The following RELN variants were observed in gnomAD, a reference collection of about 807,000 sequenced individuals.
The protein encoded by RELN is reelin.
A neutral mutation model predicts 427.6 loss-of-function variants in RELN; 108 were observed. That is an observed-to-expected ratio of 0.25 (90% confidence interval 0.22 to 0.30). RELN has a LOEUF of 0.30. Ranked by LOEUF, RELN falls within the 10% of genes least tolerant of loss-of-function variation. The pLI is 1.00. For synonymous variants in RELN, 1,524 were observed against 1,513.4 expected (o/e 1.01, Z -0.16); for missense variants, 3,715 against 4,302.8 (o/e 0.86, Z 3.82).
chr7:103,801,501 G>A (rs155220), intron 3 of RELN, among the ~76,000 whole-genome samples: 23,416 of 150,616 alleles, frequency 0.16, 2,217 homozygotes, highest in Non-Finnish European at 0.2. Flanking sequence ...AACACTGCAT[G>A]TTCTCACTCA....
intron 3 of RELN, among the ~76,000 whole-genome samples, chr7:103,830,782 A>G (rs887958067): frequency 6.6e-6 from 1 of 152,046 alleles, no homozygotes; most frequent in Non-Finnish European, 1.5e-5. Flanking sequence ...GAGATCAACA[A>G]AAGCGTCTTG....
chr7:103,507,382 T>G (rs1829250828), intron 51 of RELN, among the ~76,000 whole-genome samples: 1 of 152,118 alleles, frequency 6.6e-6, no homozygotes, highest in Admixed American at 6.5e-5. Context: ...AGAAACTCAC[T>G]CAAATCCACA....
chr7:103,723,059 G>C, intron 8 of RELN, 81 bp downstream of exon 8: 1 of 831,326 alleles, frequency 1.2e-6, no homozygotes, highest in Non-Finnish European at 2.1e-6. Flanking sequence ...AAAAGCATCT[G>C]GCATTATAAT....
rs926451848 is a variant in RELN, at chr7:103,773,071, T to C, written c.544+3486A>G. Among the ~76,000 whole-genome samples, 2 of 152,098 alleles carry C rather than the reference T, an allele frequency of 1.3e-5. 1 individual carries two copies. Among genetic ancestry groups the C allele is most frequent in the South Asian group, 4.2e-4 (2 of 4,806 alleles). On this transcript the variant is annotated intron_variant, in intron 4 of 64. Transcript: ENST00000428762. ...CTGATGTGAGGTGGATCAGCGAGAA[T>C]GGGAAGGAGGAGATAGATGGTTCTC...
At chr7:103,644,457 T>C (rs947641453) in intron 16 of RELN, among the ~76,000 whole-genome samples, 14 of 148,300 alleles carry the variant, frequency 9.4e-5, no homozygotes, top group Non-Finnish European at 1.8e-4. Flanking sequence ...CTTTTAGAAA[T>C]GAAAAATTCA....
Position 103,741,719 on chromosome 7 carries a change from C to T in RELN, c.656+7707G>A, listed in dbSNP as rs149726805. Among the ~76,000 whole-genome samples the T allele has an allele frequency of 5.0e-3, 757 of 151,468 alleles. 4 individuals carry two copies. Among genetic ancestry groups the T allele is most frequent in the Middle Eastern group, 0.017 (5 of 292 alleles). ...GGAGGGAAAGAGAGGAAGGCAGAGA[C>T]GAAAGTGATGGGTATTGAGCACCTA... On this transcript the variant is annotated intron_variant, in intron 6 of 64. Coordinates refer to ENST00000428762, the MANE Select transcript of RELN (RefSeq NM_005045.4).
At chr7:103,819,658 G>A (rs1792968210) in intron 3 of RELN, among the ~76,000 whole-genome samples, 1 of 151,884 alleles carries the variant, frequency 6.6e-6, no homozygotes, top group African/African-American at 2.4e-5. Context: ...TCTGATTGCA[G>A]AACAAATCTG....
chr7:103,514,796 G>A (rs1419059960), intron 50 of RELN, among the ~76,000 whole-genome samples: 1 of 151,776 alleles, frequency 6.6e-6, no homozygotes, highest in Non-Finnish European at 1.5e-5. Flanking sequence ...TGTCTGCCCT[G>A]TAGCAAAACA....
intron 58 of RELN, 115 bp downstream of exon 58, chr7:103,491,838 T>A: frequency 1.7e-6 from 1 of 603,638 alleles, no homozygotes; most frequent in Non-Finnish European, 2.9e-6. Context: ...TCTCTCTCTC[T>A]CTCTCTCTCT....
chr7:103,634,054 T>C (rs1832526914), intron 19 of RELN, among the ~76,000 whole-genome samples: 1 of 152,114 alleles, frequency 6.6e-6, no homozygotes, highest in Non-Finnish European at 1.5e-5. Context: ...ACATGCTACT[T>C]CATTTTCTAT....
At chr7:103,969,422 A>G (rs1203608999) in intron 1 of RELN, among the ~76,000 whole-genome samples, 1 of 152,240 alleles carries the variant, frequency 6.6e-6, no homozygotes, top group African/African-American at 2.4e-5. Flanking sequence ...TAAGATGTCT[A>G]GGTACAAAAT....
intron 53 of RELN, 26 bp downstream of exon 53, chr7:103,500,719 C>T (rs373180515): frequency 3.1e-6 from 5 of 1,612,546 alleles, no homozygotes; most frequent in East Asian, 4.5e-5. Flanking sequence ...GTGAGTAATG[C>T]GTCTTGTCCA....
intron 48 of RELN, 117 bp downstream of exon 48, chr7:103,521,905 A>G (rs1829715829): frequency 1.0e-6 from 1 of 990,242 alleles, no homozygotes; most frequent in South Asian, 1.3e-5. Flanking sequence ...TCAGGGTTGT[A>G]CATTTAGGGT....
At chr7:103,851,983 G>C (rs1793833304) in intron 2 of RELN, among the ~76,000 whole-genome samples, 1 of 152,190 alleles carries the variant, frequency 6.6e-6, no homozygotes, top group South Asian at 2.1e-4. Flanking sequence ...GAAATAGTTA[G>C]ACTGCTGAGT....
intron 33 of RELN, 30 bp downstream of exon 33, chr7:103,566,194 A>AAT (rs763619590): frequency 6.4e-7 from 1 of 1,568,626 alleles, no homozygotes; most frequent in Admixed American, 1.7e-5. Context: ...TTAATCAGAT[A>AAT]TTTTCCCTTT....
chr7:103,572,128 T>A (rs371671834), intron 31 of RELN, 56 bp downstream of exon 31: 8 of 1,003,576 alleles, frequency 8.0e-6, no homozygotes, highest in African/African-American at 4.8e-5. Context: ...TTTGGGAGGA[T>A]AAAGGACTAA....
chr7:103,593,494 A>G (rs1831467624), intron 27 of RELN, among the ~76,000 whole-genome samples, 188 bp downstream of exon 27: 1 of 152,172 alleles, frequency 6.6e-6, no homozygotes, highest in African/African-American at 2.4e-5. Flanking sequence ...GGGACTCCTT[A>G]AAAACTAATA....
chr7:103,782,297 G>A (rs1194175855), intron 3 of RELN, among the ~76,000 whole-genome samples: 2 of 152,092 alleles, frequency 1.3e-5, no homozygotes, highest in African/African-American at 2.4e-5. Context: ...AGAATTAAGC[G>A]TGCATTCTGC....
At chr7:103,742,709 T>A (rs1348352143) in intron 6 of RELN, among the ~76,000 whole-genome samples, 1 of 151,842 alleles carries the variant, frequency 6.6e-6, no homozygotes, top group Non-Finnish European at 1.5e-5. Context: ...GAAGAGAAGT[T>A]TAGAGAAAGA....
Sources: gnomAD v4.1 joint callset for allele counts (sites outside exome capture counted in the v4.1 genomes callset) on GRCh38, gnomAD v4.1.1 for gene constraint, MANE v1.5 for transcripts, NCBI Gene and HGNC (gene_info 2026-07-23, HGNC 2026-07-21) for gene names.